ATXN7L1: variants seen among roughly 807,000 people sequenced by gnomAD.
ATXN7L1 encodes the protein ataxin 7 like 1.
ATXN7L1 carries 15 observed loss-of-function variants against 70.8 expected under a neutral mutation model. That is an observed-to-expected ratio of 0.21 (90% confidence interval 0.14 to 0.33). The LOEUF is 0.33. ATXN7L1 is among the 10% of genes least tolerant of loss of function. The pLI, the probability that ATXN7L1 is intolerant of heterozygous loss-of-function variation, is 1.00. For synonymous variants in ATXN7L1, 440 were observed against 445.1 expected (o/e 0.99, Z 0.14); for missense variants, 975 against 1,097.1 (o/e 0.89, Z 1.57).
intron 3 of ATXN7L1, among the ~76,000 whole-genome samples, chr7:105,784,956 C>T (rs1157286824): frequency 6.6e-6 from 1 of 152,192 alleles, no homozygotes; most frequent in African/African-American, 2.4e-5. Context: ...CCAATTTTAA[C>T]CTCAACAGCT....
At chr7:105,744,453 T>C (rs1337309223) in intron 3 of ATXN7L1, among the ~76,000 whole-genome samples, 1 of 152,156 alleles carries the variant, frequency 6.6e-6, no homozygotes, top group Non-Finnish European at 1.5e-5. Context: ...TTCAGGTTTC[T>C]GAGCTGCCCA....
At chr7:105,747,795 G>A (rs367676175) in intron 3 of ATXN7L1, among the ~76,000 whole-genome samples, 187 of 152,280 alleles carry the variant, frequency 1.2e-3, no homozygotes, top group African/African-American at 4.5e-3. Context: ...TTTGCTTGGT[G>A]GTGGGAAAAA....
chr7:105,705,412 A>G (rs1793027501), intron 3 of ATXN7L1, among the ~76,000 whole-genome samples: 1 of 152,150 alleles, frequency 6.6e-6, no homozygotes, highest in Non-Finnish European at 1.5e-5. Flanking sequence ...TTATTTTATC[A>G]AAAGCTTTTT....
intron 6 of ATXN7L1, 127 bp downstream of exon 6, chr7:105,639,360 C>G (rs568303188): frequency 1.5e-6 from 1 of 659,648 alleles, no homozygotes; most frequent in African/African-American, 1.8e-5. Flanking sequence ...AAAGCATTTC[C>G]CTTACAAAGA....
Position 105,876,587 on chromosome 7 carries a change from T to C in ATXN7L1, c.-29A>G, listed in dbSNP as rs201460975. ...CGGAACGTTCCGACATTGAGTGTTC[T>C]GAAAGGGGGAGGGAGGGAGGAAGGG... On this transcript the variant is annotated 5_prime_UTR_variant, in exon 1 of 12. Transcript: ENST00000419735. 23 of 1,261,966 alleles carry C rather than the reference T, an allele frequency of 1.8e-5. No individual in the cohort carries two copies. Among genetic ancestry groups the C allele is most frequent in the East Asian group, 5.5e-5 (1 of 18,120 alleles). 78.2% of individuals were successfully genotyped at this position (1,261,966 alleles called of 1,614,324 possible).
chr7:105,625,462 G>T (rs1795560869), intron 7 of ATXN7L1, among the ~76,000 whole-genome samples: 1 of 152,116 alleles, frequency 6.6e-6, no homozygotes, highest in African/African-American at 2.4e-5. Context: ...TGTTGGCCAG[G>T]CTGGTCTTGA....
chr7:105,686,300 G>C (rs1447059435), intron 3 of ATXN7L1, among the ~76,000 whole-genome samples: 2 of 152,198 alleles, frequency 1.3e-5, no homozygotes, highest in Non-Finnish European at 2.9e-5. Context: ...TGGATCACCT[G>C]AGGTCAGGAG....
intron 10 of ATXN7L1, chr7:105,613,534 T>A: frequency 8.0e-7 from 1 of 1,249,348 alleles, no homozygotes; most frequent in Admixed American, 3.6e-5. Context: ...AACTGACCGA[T>A]GTGGAGTGGG....
intron 3 of ATXN7L1, among the ~76,000 whole-genome samples, chr7:105,736,265 T>A (rs899202530): frequency 1.3e-5 from 2 of 152,244 alleles, no homozygotes; most frequent in Admixed American, 1.3e-4. Context: ...ATAGATTGAC[T>A]GTGTGCACAC....
At chr7:105,636,916 A>G (rs1196994877) in intron 7 of ATXN7L1, among the ~76,000 whole-genome samples, 1 of 152,198 alleles carries the variant, frequency 6.6e-6, no homozygotes, top group East Asian at 1.9e-4. Context: ...AGCTACAAAG[A>G]AGTTTAAAAG....
chr7:105,801,419 G>A (rs1018344791), intron 2 of ATXN7L1, among the ~76,000 whole-genome samples: 8 of 152,160 alleles, frequency 5.3e-5, no homozygotes, highest in African/African-American at 1.4e-4. Context: ...GTATGGAGTC[G>A]AGCAGAATGC....
chr7:105,649,197 C>T (rs1799508124), intron 4 of ATXN7L1, among the ~76,000 whole-genome samples: 1 of 152,226 alleles, frequency 6.6e-6, no homozygotes, highest in African/African-American at 2.4e-5. Flanking sequence ...CTCCACTCTT[C>T]CCCTGCTGCT....
At chr7:105,751,262 T>C (rs976593305) in intron 3 of ATXN7L1, among the ~76,000 whole-genome samples, 1 of 152,058 alleles carries the variant, frequency 6.6e-6, no homozygotes, top group Non-Finnish European at 1.5e-5. Context: ...AATGGAGTTA[T>C]GCATATAGGA....
intron 2 of ATXN7L1, among the ~76,000 whole-genome samples, chr7:105,837,336 T>C (rs1205260403): frequency 2.0e-5 from 3 of 151,898 alleles, no homozygotes; most frequent in Admixed American, 6.6e-5. Context: ...GAATCTACAA[T>C]GCCCTAAGAT....
intron 2 of ATXN7L1, among the ~76,000 whole-genome samples, chr7:105,823,242 T>G (rs1810408569): frequency 6.6e-6 from 1 of 152,198 alleles, no homozygotes; most frequent in Admixed American, 6.5e-5. Context: ...AGTCGAAGGC[T>G]GACATGAATC....
chr7:105,827,747 A>T lies in ATXN7L1; in HGVS notation c.251-39039T>A, dbSNP rs1585098517. Reference sequence around the variant, plus strand: ...CAACCCTATGAAGTAGCTACTATAGATCCACAATCCCTTATCCAAAGCTCT... The same window carrying T: ...CAACCCTATGAAGTAGCTACTATAGTTCCACAATCCCTTATCCAAAGCTCT... On this transcript the variant is annotated intron_variant, in intron 2 of 11. Transcript: ENST00000419735. Among the ~76,000 whole-genome samples, 4 of 152,204 alleles carry T rather than the reference A, an allele frequency of 2.6e-5. No individual in the cohort carries two copies. The South Asian group carries it at 8.3e-4, about 32-fold the overall frequency.
At chr7:105,618,720 GT>G (rs1794293524) in intron 9 of ATXN7L1, among the ~76,000 whole-genome samples, 2 of 152,156 alleles carry the variant, frequency 1.3e-5, no homozygotes, top group Non-Finnish European at 2.9e-5. Flanking sequence ...CCAGATTTAT[GT>G]GATCCATGAC....
intron 2 of ATXN7L1, among the ~76,000 whole-genome samples, chr7:105,848,486 A>G (rs1814393245): frequency 6.6e-6 from 1 of 152,150 alleles, no homozygotes. Context: ...CCTGAAAACA[A>G]CCAATATATC....
chr7:105,710,153 G>A (rs1044930810), intron 3 of ATXN7L1, among the ~76,000 whole-genome samples: 3 of 152,106 alleles, frequency 2.0e-5, no homozygotes, highest in Non-Finnish European at 4.4e-5. Flanking sequence ...CCTGGTCAAA[G>A]TTTGCATCTT....
Sources: allele counts gnomAD v4.1 joint callset (sites outside exome capture counted in the v4.1 genomes callset), GRCh38; gene constraint gnomAD v4.1.1; transcripts MANE v1.5; gene names NCBI Gene and HGNC (gene_info 2026-07-23, HGNC 2026-07-21).